The following CTNNA2 variants were observed in gnomAD, a reference collection of about 807,000 sequenced individuals.
CTNNA2 encodes the protein catenin alpha 2.
In CTNNA2, 42 loss-of-function variants were observed where a neutral mutation model predicts 101.0. The ratio of observed to expected loss-of-function variants is 0.42; its 90% CI spans 0.32 to 0.54. The LOEUF (loss-of-function observed/expected upper bound fraction) is 0.54. CTNNA2 is among the 20% of genes least tolerant of loss of function. The probability of loss-of-function intolerance (pLI) is 0.14; values close to 1 mark genes in which losing one functional copy is unlikely to be tolerated. For missense variants in CTNNA2, 871 were observed against 1,223.1 expected (o/e 0.71, Z 4.29); for synonymous variants, 450 against 456.4 (o/e 0.99, Z 0.18).
intron 1 of CTNNA2, among the ~76,000 whole-genome samples, chr2:79,620,251 C>T (rs1485764007): frequency 3.3e-5 from 5 of 152,192 alleles, no homozygotes; most frequent in East Asian, 1.9e-4. Context: ...CTGCCCTTCC[C>T]TGTACATTCG....
chr2:79,362,746 C>A (rs1677659609), intron 3 of CTNNA2, among the ~76,000 whole-genome samples: 1 of 152,144 alleles, frequency 6.6e-6, no homozygotes, highest in African/African-American at 2.4e-5. Flanking sequence ...TGTGGTGACC[C>A]CAACATTTCT....
chr2:80,522,872 C>T (rs1333591190), intron 9 of CTNNA2, among the ~76,000 whole-genome samples: 3 of 152,042 alleles, frequency 2.0e-5, no homozygotes, highest in South Asian at 2.1e-4. Context: ...TTTGTAGCAG[C>T]GTGAGAATAG....
At chr2:79,843,973 A>G (rs898182195) in intron 3 of CTNNA2, among the ~76,000 whole-genome samples, 21 of 152,346 alleles carry the variant, frequency 1.4e-4, no homozygotes, top group Admixed American at 6.5e-4. Context: ...TATTCTCTCT[A>G]TAGGCAGACC....
intron 7 of CTNNA2, among the ~76,000 whole-genome samples, chr2:80,045,908 G>T (rs1021104939): frequency 1.3e-5 from 2 of 152,156 alleles, no homozygotes; most frequent in African/African-American, 4.8e-5. Context: ...CACTATTGTG[G>T]CTGCCGAAGC....
intron 9 of CTNNA2, among the ~76,000 whole-genome samples, chr2:80,498,093 G>C (rs572161377): frequency 1.3e-5 from 2 of 152,114 alleles, no homozygotes; most frequent in Admixed American, 6.5e-5. Context: ...CCAGGAGCAG[G>C]GTATCAAGTC....
intron 5 of CTNNA2, among the ~76,000 whole-genome samples, chr2:79,872,776 T>C (rs946267034): frequency 4.6e-5 from 7 of 152,222 alleles, no homozygotes; most frequent in Non-Finnish European, 7.3e-5. Context: ...TCATCTATCA[T>C]GTGCCAAATG....
chr2:80,025,638 G>C (rs1694882224), intron 7 of CTNNA2, among the ~76,000 whole-genome samples: 1 of 152,180 alleles, frequency 6.6e-6, no homozygotes. Context: ...AGGAGGGCCT[G>C]AGTCCAAAAT....
At chr2:79,937,071 TTAAA>T (rs1687842122) in intron 7 of CTNNA2, among the ~76,000 whole-genome samples, 1 of 152,238 alleles carries the variant, frequency 6.6e-6, no homozygotes, top group Non-Finnish European at 1.5e-5. Flanking sequence ...TCCCTTCTTA[TTAAA>T]TATTCTTCCC....
intron 2 of CTNNA2, among the ~76,000 whole-genome samples, chr2:79,312,276 AT>A (rs56129126): frequency 0.068 from 10,278 of 152,254 alleles, 463 homozygotes; most frequent in East Asian, 0.13. Context: ...ACTGATAGAA[AT>A]GTGTAGTTGG....
chr2:79,505,984 T>C (rs180941053), intron 5 of CTNNA2, among the ~76,000 whole-genome samples: 3 of 152,274 alleles, frequency 2.0e-5, no homozygotes, highest in African/African-American at 7.2e-5. Context: ...TAAGGTTGAG[T>C]TTAACAAGAT....
rs1292437912 is a variant in CTNNA2, at chr2:79,721,037, T to C, written c.103-23350T>C. ...CCAAAATTTATACTTTAAATTATCA[T>C]TGGCCCAGAAAAGTATGATTTTTTT... On this transcript the variant is annotated intron_variant, in intron 2 of 18. Coordinates refer to ENST00000402739, the MANE Select transcript of CTNNA2 (RefSeq NM_001282597.3). Among the ~76,000 whole-genome samples the C allele has an allele frequency of 2.7e-5, 4 of 149,010 alleles. No homozygotes were observed. In the South Asian group the frequency reaches 6.4e-4, roughly 24 times the overall value.
intron 7 of CTNNA2, among the ~76,000 whole-genome samples, chr2:80,326,822 A>C (rs1670848014): frequency 6.6e-6 from 1 of 152,064 alleles, no homozygotes; most frequent in South Asian, 2.1e-4. Context: ...AAAAAAAAAG[A>C]GCAGTGTCAG....
chr2:80,350,389 T>C (rs1673171666), intron 7 of CTNNA2, among the ~76,000 whole-genome samples: 1 of 152,214 alleles, frequency 6.6e-6, no homozygotes, highest in African/African-American at 2.4e-5. Context: ...ATCATTTAGA[T>C]AGATGCCCGC....
At chr2:79,551,142 G>A (rs148891041) in intron 1 of CTNNA2, among the ~76,000 whole-genome samples, 2,624 of 152,296 alleles carry the variant, frequency 0.017, 32 homozygotes, top group Non-Finnish European at 0.028. Context: ...AAACTGAGGT[G>A]AGTCTCTACC....
intron 1 of CTNNA2, among the ~76,000 whole-genome samples, chr2:79,546,113 C>G (rs535373468): frequency 2.6e-5 from 4 of 152,186 alleles, no homozygotes; most frequent in South Asian, 2.1e-4. Context: ...TAGGAAGATA[C>G]AAGACTAACA....
At chr2:79,599,470 T>C (rs1221699875) in intron 1 of CTNNA2, among the ~76,000 whole-genome samples, 1 of 152,200 alleles carries the variant, frequency 6.6e-6, no homozygotes, top group African/African-American at 2.4e-5. Flanking sequence ...AAATTTATTT[T>C]ATTATAGATT....
chr2:80,591,457 G>GTGTTTTTTTTTTTTTTTT (rs1696485361), intron 15 of CTNNA2, among the ~76,000 whole-genome samples: 1 of 70,314 alleles, frequency 1.4e-5, no homozygotes, highest in Non-Finnish European at 3.0e-5. Context: ...TGCACAGCCT[G>GTGTTTTTTTTTTTTTTTT]TTTTTTTTTT....
At chr2:79,455,642 A>C (rs762726978) in intron 4 of CTNNA2, among the ~76,000 whole-genome samples, 15 of 152,356 alleles carry the variant, frequency 9.8e-5, no homozygotes, top group Middle Eastern at 3.4e-3. Flanking sequence ...GTTTGCATAG[A>C]ACTAGGTTCC....
intron 9 of CTNNA2, among the ~76,000 whole-genome samples, chr2:80,533,368 G>A (rs1009565823): frequency 1.3e-5 from 2 of 152,180 alleles, no homozygotes; most frequent in Non-Finnish European, 2.9e-5. Context: ...ATAAACTGGG[G>A]ACTCCTGACT....
Sources: gnomAD v4.1 joint callset for allele counts (sites outside exome capture counted in the v4.1 genomes callset) on GRCh38, gnomAD v4.1.1 for gene constraint, MANE v1.5 for transcripts, NCBI Gene and HGNC (gene_info 2026-07-23, HGNC 2026-07-21) for gene names.